Variants in SETD5 observed in about 807,000 individuals in gnomAD.
SETD5 encodes the protein SET domain containing 5, also known as histone-lysine N-methyltransferase SETD5.
In SETD5, 44 loss-of-function variants were observed where a neutral mutation model predicts 153.3. The observed-to-expected ratio is 0.29, with a 90% CI of 0.23 to 0.37. SETD5 has a LOEUF of 0.37. SETD5 is among the 10% of genes least tolerant of loss of function. The pLI is 1.00. For synonymous variants in SETD5, 716 were observed against 645.2 expected (o/e 1.11, Z -1.66); for missense variants, 1,544 against 1,768.0 (o/e 0.87, Z 2.27).
intron 19 of SETD5, among the ~76,000 whole-genome samples, chr3:9,471,505 C>G (rs923326367): frequency 3.7e-4 from 57 of 152,152 alleles, no homozygotes; most frequent in Admixed American, 1.0e-3. Context: ...AATTAGGTGG[C>G]ACTCCATTGG....
At chr3:9,436,856 C>T (rs867927829) in intron 7 of SETD5, 13 of 1,549,968 alleles carry the variant, frequency 8.4e-6, no homozygotes, top group Non-Finnish European at 1.1e-5. Context: ...ATAGGCATTT[C>T]GAGAGGGATC....
chr3:9,411,956 TAA>T (rs771572623), intron 1 of SETD5, among the ~76,000 whole-genome samples: 10 of 152,190 alleles, frequency 6.6e-5, no homozygotes, highest in Non-Finnish European at 1.3e-4. Context: ...AAAAATTTAA[TAA>T]AGAAAGTTTT....
chr3:9,405,252 T>C (rs1284255785), intron 1 of SETD5, among the ~76,000 whole-genome samples: 1 of 152,244 alleles, frequency 6.6e-6, no homozygotes, highest in Non-Finnish European at 1.5e-5. Context: ...GATGCCACTG[T>C]ATTATTAGCT....
chr3:9,450,866 T>C (rs1016597147), intron 16 of SETD5, among the ~76,000 whole-genome samples: 1 of 152,236 alleles, frequency 6.6e-6, no homozygotes, highest in Non-Finnish European at 1.5e-5. Context: ...CAGATTCTTA[T>C]GCTATTTATT....
chr3:9,435,807 A>G lies in SETD5; in HGVS notation c.468A>G (p.Thr156=). 1 of 1,602,550 alleles carries G rather than the reference A, an allele frequency of 6.2e-7. No individual in the cohort carries two copies. The highest frequency in any genetic ancestry group is 8.5e-7 in the Non-Finnish European group (1 of 1,174,332). The part of the protein sequence containing the change: ...STVLYTATQH[T]PTSITLTVRR... ...TGTTGTATACAGCAACACAGCACAC[A>G]CCTACAAGCATCACCTTAACTGTTA... The change falls in exon 7 of 23, where the codon ACA becomes ACG. Residue 156 remains threonine (T), a synonymous_variant. Coordinates refer to ENST00000402198, the MANE Select transcript of SETD5 (RefSeq NM_001080517.3).
At chr3:9,415,150 C>T (rs966403656) in intron 1 of SETD5, among the ~76,000 whole-genome samples, 1 of 152,102 alleles carries the variant, frequency 6.6e-6, no homozygotes, top group Non-Finnish European at 1.5e-5. Flanking sequence ...TATAAGAAAG[C>T]AGTTTATACC....
intron 17 of SETD5, among the ~76,000 whole-genome samples, chr3:9,459,720 A>T (rs940324751): frequency 9.9e-5 from 15 of 151,350 alleles, no homozygotes; most frequent in Non-Finnish European, 7.4e-5. Context: ...CCATCAAAAA[A>T]AAAAAAAAAA....
In SETD5 at chr3:9,476,817, C is replaced by G. The variant is rs1020013620; in HGVS notation, c.*726C>G. 1 of 152,554 alleles carries G rather than the reference C, an allele frequency of 6.6e-6. No homozygotes were observed. Among genetic ancestry groups the G allele is most frequent in the East Asian group, 1.9e-4 (1 of 5,192 alleles). The allele number at this position is 152,554 out of a possible 1,614,324, so 9.5% of individuals were successfully genotyped here. ...TGAGCCTCCAACTGTTACCATCCTA[C>G]TCCCCCTTCCCAAGCTATTTCACAG... On this transcript the variant is annotated 3_prime_UTR_variant, in exon 23 of 23. Transcript: ENST00000402198.
chr3:9,436,754 C>T, intron 7 of SETD5: 1 of 1,038,690 alleles, frequency 9.6e-7, no homozygotes, highest in South Asian at 1.5e-5. Flanking sequence ...CAGAATAGAA[C>T]ACTAGTTTGT....
chr3:9,410,261 A>G (rs1283560435), intron 1 of SETD5, among the ~76,000 whole-genome samples: 1 of 152,212 alleles, frequency 6.6e-6, no homozygotes, highest in Non-Finnish European at 1.5e-5. Context: ...TAAAGTAAAC[A>G]TACGGTATAA....
chr3:9,406,518 G>T (rs948839465), intron 1 of SETD5, among the ~76,000 whole-genome samples: 2 of 151,224 alleles, frequency 1.3e-5, no homozygotes, highest in African/African-American at 4.9e-5. Context: ...TGAGGCAGGA[G>T]AATGGCGTGA....
rs529139258 is a variant in SETD5, at chr3:9,458,702, A to G, written c.2476+4834A>G. On this transcript the variant is annotated intron_variant, in intron 17 of 22. Transcript: ENST00000402198. ...AATAGAGGATTAGTACATTGGGGAA[A>G]GGATTTGCAGTAAAACTGCCGGGGA... is the stretch of plus-strand genomic sequence containing the variant. 2.5e-3 allele frequency among the ~76,000 whole-genome samples: 376 copies of G among 152,332 alleles called. 1 individual carries two copies. Among genetic ancestry groups the G allele is most frequent in the Admixed American group, 3.8e-3 (58 of 15,298 alleles).
In SETD5 at chr3:9,442,123, C is replaced by T; in HGVS notation, c.960-5C>T. 1 of 1,586,688 alleles carries T rather than the reference C, an allele frequency of 6.3e-7. No homozygotes were observed. Among genetic ancestry groups the T allele is most frequent in the Non-Finnish European group, 8.6e-7 (1 of 1,158,356 alleles). On this transcript the variant is annotated splice_polypyrimidine_tract_variant and splice_region_variant and intron_variant, in intron 9 of 22. Coordinates refer to ENST00000402198, the MANE Select transcript of SETD5 (RefSeq NM_001080517.3). Reference sequence around the variant, plus strand: ...GAATTACAGGAATTTTAATTGTATCCCTAGACCATACCCCTTTGTGCTCTT... The same window carrying T: ...GAATTACAGGAATTTTAATTGTATCTCTAGACCATACCCCTTTGTGCTCTT...
chr3:9,442,841 G>T, intron 10 of SETD5: 1 of 167,544 alleles, frequency 6.0e-6, no homozygotes, highest in Non-Finnish European at 1.3e-5. Context: ...TTCGAGACCA[G>T]CCTGGCCAAC....
chr3:9,399,304 A>G (rs904460158), intron 1 of SETD5, among the ~76,000 whole-genome samples: 3 of 152,162 alleles, frequency 2.0e-5, no homozygotes, highest in African/African-American at 7.2e-5. Context: ...TTAATTTTAT[A>G]TTATTAATGT....
chr3:9,401,978 T>C (rs1197538627), intron 1 of SETD5, among the ~76,000 whole-genome samples: 1 of 152,214 alleles, frequency 6.6e-6, no homozygotes, highest in African/African-American at 2.4e-5. Flanking sequence ...AGTAATGTAG[T>C]GTACCCGTGA....
At position 9,433,674 on chromosome 3, in the gene SETD5, C is replaced by T. The variant is rs991648056; in HGVS notation, c.72-171C>T. 7.1e-6 allele frequency: 6 copies of T among 845,308 alleles called. No individual in the cohort carries two copies. In the African/African-American group the frequency reaches 1.0e-4, roughly 15 times the overall value. 52.4% of individuals were successfully genotyped at this position (845,308 alleles called of 1,614,324 possible). On this transcript the variant is annotated intron_variant, in intron 3 of 22. Coordinates refer to ENST00000402198, the MANE Select transcript of SETD5 (RefSeq NM_001080517.3). ...AAATCCACATTTAATAACACTCCTA[C>T]TGTTATTTATAGGCTTAGTTATGTT...
intron 20 of SETD5, 22 bp from the exon 21 acceptor site, chr3:9,474,427 T>C: frequency 6.2e-7 from 1 of 1,611,994 alleles, no homozygotes; most frequent in South Asian, 1.1e-5. Context: ...TGGCTTGAAC[T>C]TGCACCCTGT....
intron 18 of SETD5, among the ~76,000 whole-genome samples, chr3:9,467,804 G>C (rs1190691451): frequency 6.6e-6 from 1 of 152,006 alleles, no homozygotes; most frequent in African/African-American, 2.4e-5. Flanking sequence ...CCTACCCTCT[G>C]TAGGATACAG....
Sources: allele counts gnomAD v4.1 joint callset (sites outside exome capture counted in the v4.1 genomes callset), GRCh38; gene constraint gnomAD v4.1.1; transcripts MANE v1.5; gene names NCBI Gene and HGNC (gene_info 2026-07-23, HGNC 2026-07-21).